Variants in DMD observed in about 807,000 individuals in gnomAD.
DMD encodes the protein mutant dystrophin.
In DMD, 63 loss-of-function variants were observed where a neutral mutation model predicts 330.1. That is an observed-to-expected ratio of 0.19 (90% CI 0.16 to 0.24). The LOEUF (loss-of-function observed/expected upper bound fraction) is 0.24, where lower values mean the gene tolerates loss of function less well. Among genes scored for constraint, DMD ranks in the 10% least tolerant of loss-of-function variants. DMD has a pLI of 1.00. For missense variants in DMD, 3,344 were observed against 2,684.1 expected, an observed-to-expected ratio of 1.25 and a Z score of -5.43; for synonymous variants, 1,223 against 959.8, an observed-to-expected ratio of 1.27 and a Z score of -5.07.
At chrX:31,598,383 C>A (rs1263087728) in intron 55 of DMD, among the ~76,000 whole-genome samples, 1 of 111,476 alleles carries the variant, frequency 9.0e-6, no homozygotes, top group Non-Finnish European at 1.9e-5. Flanking sequence ...CTTAGCCTCC[C>A]AAATTGCTGG....
chrX:32,671,476 T>C (rs2061631627), intron 9 of DMD, among the ~76,000 whole-genome samples: 1 of 111,761 alleles, frequency 8.9e-6, no homozygotes, highest in Non-Finnish European at 1.9e-5. Flanking sequence ...CAGGATACTA[T>C]TATTATTAAC....
At chrX:31,245,292 C>T (rs1017826151) in intron 63 of DMD, among the ~76,000 whole-genome samples, 2 of 111,741 alleles carry the variant, frequency 1.8e-5, no homozygotes, top group East Asian at 2.8e-4. Context: ...TTTAATAATC[C>T]GCCTTAGAAA....
Position 33,128,493 on chromosome X carries a change from G to A in DMD, c.31+82789C>T, listed in dbSNP as rs12838448. On this transcript the variant is annotated intron_variant, in intron 1 of 78. Transcript: ENST00000357033. ...TCACCGGCTCAATCTACCTGATTACGTTCCCTTCTAATCAGTAACCTCAGT... is the reference window on the plus strand; with the variant it reads ...TCACCGGCTCAATCTACCTGATTACATTCCCTTCTAATCAGTAACCTCAGT... 3.0e-5 allele frequency: 26 copies of A among 857,523 alleles called. No individual in the cohort carries two copies. In the African/African-American group the frequency reaches 5.3e-4, roughly 17 times the overall value. The allele number at this position is 857,523 out of a possible 1,213,427, so 70.7% of individuals were successfully genotyped here. A position where few individuals can be genotyped will look rare whatever the true frequency, so the allele number is the denominator to read the frequency against.
At chrX:32,273,523 C>T (rs1290886136) in intron 43 of DMD, among the ~76,000 whole-genome samples, 1 of 105,403 alleles carries the variant, frequency 9.5e-6, no homozygotes. Context: ...CATGACTGAA[C>T]AGTTTTTAGC....
chrX:31,848,731 T>C (rs2093469837), intron 48 of DMD, among the ~76,000 whole-genome samples: 1 of 110,772 alleles, frequency 9.0e-6, no homozygotes, highest in African/African-American at 3.3e-5. Flanking sequence ...GAGAATTTCA[T>C]GGTCTCTTCT....
intron 45 of DMD, among the ~76,000 whole-genome samples, chrX:31,943,871 CAGAGAGTGAG>C (rs1462872905): frequency 5.6e-5 from 3 of 53,218 alleles, no homozygotes; most frequent in African/African-American, 1.8e-4. Context: ...CGAAGTTCCC[CAGAGAGTGAG>C]AGAGAGAGAG....
intron 1 of DMD, among the ~76,000 whole-genome samples, chrX:33,092,468 G>A (rs1172446519): frequency 9.0e-6 from 1 of 111,379 alleles, no homozygotes; most frequent in Non-Finnish European, 1.9e-5. Flanking sequence ...TCTTTTAGTA[G>A]ACAATTATAC....
Position 32,567,956 on chromosome X carries a change from T to C in DMD, c.1813-2075A>G, listed in dbSNP as rs1206955258. 2.7e-5 allele frequency among the ~76,000 whole-genome samples: 3 copies of C among 112,062 alleles called. No homozygotes were observed. In the Admixed American group the frequency reaches 2.8e-4, roughly 11 times the overall value. On this transcript the variant is annotated intron_variant, in intron 15 of 78. Coordinates refer to ENST00000357033, the MANE Select transcript of DMD (RefSeq NM_004006.3). ...TAAGTACAATCCTCTTTGACTTACTTACTCAGAATGTTAGAAACTATTTTA... is the reference window on the plus strand; with the variant it reads ...TAAGTACAATCCTCTTTGACTTACTCACTCAGAATGTTAGAAACTATTTTA...
intron 44 of DMD, among the ~76,000 whole-genome samples, chrX:32,128,707 T>C (rs1695443276): frequency 8.9e-6 from 1 of 111,859 alleles, no homozygotes; most frequent in South Asian, 3.7e-4. Flanking sequence ...AGCCTATGGG[T>C]GGTATTTATC....
intron 62 of DMD, among the ~76,000 whole-genome samples, chrX:31,307,636 G>A (rs763283678): frequency 4.5e-5 from 5 of 111,349 alleles, no homozygotes; most frequent in Non-Finnish European, 7.5e-5. Flanking sequence ...AAAAAAAATC[G>A]GCTCTCTTGT....
chrX:33,144,154 T>A (rs1292899650), intron 1 of DMD, among the ~76,000 whole-genome samples: 1 of 111,449 alleles, frequency 9.0e-6, no homozygotes, highest in East Asian at 2.8e-4. Flanking sequence ...AAATAAGAGG[T>A]TGTCTAATCA....
chrX:33,228,381 A>T (rs2052329419), intron 1 of DMD, among the ~76,000 whole-genome samples: 1 of 108,655 alleles, frequency 9.2e-6, no homozygotes, highest in African/African-American at 3.3e-5. Context: ...TTAGCAAATG[A>T]GGTACATTTA....
intron 2 of DMD, among the ~76,000 whole-genome samples, chrX:32,875,219 ACT>A (rs1219093504): frequency 6.4e-5 from 7 of 109,362 alleles, no homozygotes; most frequent in Admixed American, 2.0e-4. Context: ...CGACTCTTGA[ACT>A]CTTTCTGGTT....
chrX:33,334,106 T>C (rs961718689), intron 1 of DMD, among the ~76,000 whole-genome samples: 3 of 111,457 alleles, frequency 2.7e-5, no homozygotes, highest in African/African-American at 9.8e-5. Context: ...AATAGGTAAA[T>C]TCAGCAAGAT....
intron 50 of DMD, among the ~76,000 whole-genome samples, chrX:31,779,320 C>G (rs5927859): frequency 2.7e-5 from 3 of 110,169 alleles, no homozygotes; most frequent in African/African-American, 9.9e-5. Context: ...AATCCTTTCC[C>G]GTGTACCCTA....
intron 44 of DMD, among the ~76,000 whole-genome samples, chrX:32,071,450 T>C (rs191405997): frequency 0.059 from 5,502 of 93,944 alleles, 452 homozygotes; most frequent in African/African-American, 0.2. Context: ...TAGGTGGGAA[T>C]TGAACAATGA....
Position 32,441,271 on chromosome X carries a change from T to C in DMD, c.3830A>G (p.Lys1277Arg). Residue 1277 changes from lysine (K) to arginine (R), a missense_variant, in exon 28 of 79, where the codon AAA (lysine) becomes AGA (arginine). Transcript: ENST00000357033. ...TACTTCATTTAGCCACTTGTTTGCT[T>C]TCTCCAAGTATGACAATAACTCATG... ...CWHELLSYLE[K>R]ANKWLNEVEF... The C allele has an allele frequency of 8.3e-7, 1 of 1,209,151 alleles. No homozygotes were observed. The highest frequency in any genetic ancestry group is 1.1e-6 in the Non-Finnish European group (1 of 893,265).
chrX:31,368,894 C>T (rs1167071695), intron 60 of DMD, among the ~76,000 whole-genome samples: 1 of 111,252 alleles, frequency 9.0e-6, no homozygotes, highest in Non-Finnish European at 1.9e-5. Flanking sequence ...GATCTGCCCA[C>T]CTCAACCTCC....
At chrX:32,684,402 G>C (rs776104979) in intron 9 of DMD, among the ~76,000 whole-genome samples, 9 of 111,368 alleles carry the variant, frequency 8.1e-5, no homozygotes, top group African/African-American at 2.6e-4. Context: ...TTTACCCTAA[G>C]TTTTATTAAT....
Sources: allele counts gnomAD v4.1 joint callset (sites outside exome capture counted in the v4.1 genomes callset), GRCh38; gene constraint gnomAD v4.1.1; transcripts MANE v1.5; gene names NCBI Gene and HGNC (gene_info 2026-07-23, HGNC 2026-07-21).